NAA15: variants seen among roughly 807,000 people sequenced by gnomAD.
The protein encoded by NAA15 is N-terminal acetyltransferase.
NAA15 carries 34 observed loss-of-function variants against 114.0 expected under a neutral mutation model. The ratio of observed to expected loss-of-function variants is 0.30; its 90% CI spans 0.23 to 0.40. The LOEUF (loss-of-function observed/expected upper bound fraction) is 0.40, where lower values mean the gene tolerates loss of function less well. Among genes scored for constraint, NAA15 ranks in the 10% least tolerant of loss-of-function variants. The probability of loss-of-function intolerance (pLI) is 1.00; values close to 1 mark genes in which losing one functional copy is unlikely to be tolerated. For missense variants in NAA15, 658 were observed against 1,004.5 expected, an observed-to-expected ratio of 0.66 and a Z score of 4.66; for synonymous variants, 340 against 338.0, an observed-to-expected ratio of 1.01 and a Z score of -0.06.
intron 4 of NAA15, among the ~76,000 whole-genome samples, chr4:139,341,712 CA>C (rs763798097): frequency 9.7e-5 from 13 of 134,674 alleles, no homozygotes; most frequent in East Asian, 2.3e-4. Flanking sequence ...GAAAGCAAAA[CA>C]AAAAAAAAAT....
intron 1 of NAA15, among the ~76,000 whole-genome samples, chr4:139,308,606 T>G (rs1409952009): frequency 1.3e-5 from 2 of 152,216 alleles, no homozygotes; most frequent in African/African-American, 4.8e-5. Context: ...ATAAGTTTAT[T>G]TATTTTTTTG....
Position 139,390,022 on chromosome 4 carries a change from C to G in NAA15, c.*1938C>G, listed in dbSNP as rs1273477343. On this transcript the variant is annotated 3_prime_UTR_variant, in exon 20 of 20. Coordinates refer to ENST00000296543, the MANE Select transcript of NAA15 (RefSeq NM_057175.5). ...TTATTGTTGGGAAAGAACACTAGTC[C>G]TACCTCTGCCACTAATGAGGTGTTT... is the stretch of plus-strand genomic sequence containing the variant. The G allele has an allele frequency of 6.6e-6, 1 of 152,604 alleles. No individual in the cohort carries two copies. The highest frequency in any genetic ancestry group is 1.9e-4 in the East Asian group (1 of 5,196). The allele number at this position is 152,604 out of a possible 1,614,324, so 9.5% of individuals were successfully genotyped here. A position where few individuals can be genotyped will look rare whatever the true frequency, so the allele number is the denominator to read the frequency against.
At chr4:139,329,741 A>G (rs1010467034) in intron 1 of NAA15, among the ~76,000 whole-genome samples, 2 of 152,106 alleles carry the variant, frequency 1.3e-5, no homozygotes, top group African/African-American at 2.4e-5. Flanking sequence ...AAAACTTAGT[A>G]CTCAACAGTT....
At chr4:139,344,874 A>C (rs990821015) in intron 6 of NAA15, among the ~76,000 whole-genome samples, 2 of 152,194 alleles carry the variant, frequency 1.3e-5, no homozygotes, top group Non-Finnish European at 1.5e-5. Context: ...TTGGGTTCAT[A>C]ATATGTAGAT....
intron 15 of NAA15, among the ~76,000 whole-genome samples, chr4:139,373,343 A>G (rs1748496107): frequency 6.6e-6 from 1 of 152,218 alleles, no homozygotes; most frequent in East Asian, 1.9e-4. Context: ...ATTGTGATAC[A>G]TGGTAAGTAG....
In NAA15 at chr4:139,364,073, G is replaced by C. The variant is rs2110964482; in HGVS notation, c.1753+2136G>C. Among the ~76,000 whole-genome samples the C allele has an allele frequency of 2.0e-5, 3 of 152,250 alleles. 1 individual carries two copies. Among genetic ancestry groups the C allele is most frequent in the Middle Eastern group, 3.4e-3 (1 of 294 alleles). On this transcript the variant is annotated intron_variant, in intron 14 of 19. Transcript: ENST00000296543. ...TTTATTTTTGTAGAGACATGGTCTT[G>C]CCATGTTGCCCAGGCTTGTCTTGAG... is the stretch of plus-strand genomic sequence containing the variant.
intron 1 of NAA15, among the ~76,000 whole-genome samples, chr4:139,315,877 TTTA>T (rs1035912767): frequency 2.6e-5 from 4 of 151,786 alleles, no homozygotes; most frequent in African/African-American, 9.7e-5. Context: ...CTCTCTCTTT[TTTA>T]AAAAAAAAAA....
intron 1 of NAA15, among the ~76,000 whole-genome samples, chr4:139,316,017 A>G (rs1355998286): frequency 1.3e-5 from 2 of 151,166 alleles, no homozygotes; most frequent in East Asian, 2.0e-4. Flanking sequence ...TTGAAGTTAT[A>G]TTTACTTTGT....
chr4:139,320,785 T>C (rs1746573057), intron 1 of NAA15, among the ~76,000 whole-genome samples: 1 of 152,166 alleles, frequency 6.6e-6, no homozygotes, highest in African/African-American at 2.4e-5. Context: ...CCACCCAAAG[T>C]GTTGGGATTA....
chr4:139,334,432 A>G (rs1747129750), intron 2 of NAA15, among the ~76,000 whole-genome samples, 174 bp downstream of exon 2: 1 of 152,236 alleles, frequency 6.6e-6, no homozygotes, highest in African/African-American at 2.4e-5. Context: ...AGAAAATGAT[A>G]ACACATTTTA....
chr4:139,375,165 G>A (rs1290571622), intron 15 of NAA15, among the ~76,000 whole-genome samples: 2 of 152,192 alleles, frequency 1.3e-5, no homozygotes, highest in Non-Finnish European at 2.9e-5. Flanking sequence ...AGTAGAATAT[G>A]GAGTCATGGG....
rs762436273 is a variant in NAA15 at position 139,384,990 on chromosome 4, AT to A, written c.2302+16del. ...ACACAGATTATCAGGTAATCACTTT[AT>A]TTTATCCTTAGCCTTCTAAAACAAC... On this transcript the variant is annotated intron_variant, in intron 18 of 19. Coordinates refer to ENST00000296543, the MANE Select transcript of NAA15 (RefSeq NM_057175.5). 3.5e-5 allele frequency: 53 copies of A among 1,500,226 alleles called. No individual in the cohort carries two copies. The highest frequency in any genetic ancestry group is 1.8e-4 in the Middle Eastern group (1 of 5,638). 92.9% of individuals were successfully genotyped at this position (1,500,226 alleles called of 1,614,324 possible).
intron 1 of NAA15, among the ~76,000 whole-genome samples, chr4:139,329,355 T>C (rs745398427): frequency 6.6e-6 from 1 of 152,238 alleles, no homozygotes; most frequent in Non-Finnish European, 1.5e-5. Context: ...TGGATCATGT[T>C]TTCCTGCTCT....
intron 1 of NAA15, among the ~76,000 whole-genome samples, chr4:139,312,422 TGTA>T (rs1448776045): frequency 6.6e-6 from 1 of 151,982 alleles, no homozygotes; most frequent in Non-Finnish European, 1.5e-5. Context: ...GTATTAAAGT[TGTA>T]ACTTTAAGAA....
chr4:139,353,762 G>T (rs1747856074), intron 9 of NAA15, among the ~76,000 whole-genome samples: 1 of 152,160 alleles, frequency 6.6e-6, no homozygotes, highest in African/African-American at 2.4e-5. Flanking sequence ...AATATTGCCT[G>T]TCTTTGTCCA....
rs1236016303 is a variant in NAA15 at position 139,389,683 on chromosome 4, TTAAG to T, written c.*1603_*1606del. On this transcript the variant is annotated 3_prime_UTR_variant, in exon 20 of 20. Coordinates refer to ENST00000296543, the MANE Select transcript of NAA15 (RefSeq NM_057175.5). ...ATTTGCAAGATCTGAGCAAATAAGA[TTAAG>T]TAAAACAAATCAATTGTATATATAA... 1.3e-5 allele frequency: 2 copies of T among 152,620 alleles called. No individual in the cohort carries two copies. The highest frequency in any genetic ancestry group is 2.4e-5 in the African/African-American group (1 of 41,456). The allele number at this position is 152,620 out of a possible 1,614,324, so 9.5% of individuals were successfully genotyped here.
chr4:139,325,190 C>T (rs1746756648), intron 1 of NAA15, among the ~76,000 whole-genome samples: 1 of 152,110 alleles, frequency 6.6e-6, no homozygotes, highest in African/African-American at 2.4e-5. Flanking sequence ...GTTCACTTCT[C>T]ACTTTATTTT....
In NAA15 at chr4:139,357,390, T is replaced by G. The variant is rs935642862; in HGVS notation, c.1092T>G (p.Asp364Glu). 1 of 1,613,508 alleles carries G rather than the reference T, an allele frequency of 6.2e-7. No individual in the cohort carries two copies. Among genetic ancestry groups the G allele is most frequent in the Non-Finnish European group, 8.5e-7 (1 of 1,179,790 alleles). ...KSCRLFNPNDDGKEEPPTTLL... is the reference protein window; with the variant it reads ...KSCRLFNPNDEGKEEPPTTLL... Reference sequence around the variant, plus strand: ...TCTTCTCCCTCTTCTCCTAAGATGATGGAAAGGAGGAACCACCAACCACAT... The same window carrying G: ...TCTTCTCCCTCTTCTCCTAAGATGAGGGAAAGGAGGAACCACCAACCACAT... Residue 364 changes from aspartate to glutamate, a missense_variant, in exon 11 of 20, where the codon GAT (aspartate) becomes GAG (glutamate). This residue lies in a region of NAA15 where 281 missense variants were observed against 389.1 expected (regional missense o/e 0.72). Coordinates refer to ENST00000296543, the MANE Select transcript of NAA15 (RefSeq NM_057175.5).
intron 1 of NAA15, among the ~76,000 whole-genome samples, chr4:139,310,612 A>T (rs999479760): frequency 6.6e-5 from 10 of 151,502 alleles, no homozygotes; most frequent in Non-Finnish European, 1.2e-4. Context: ...TTTTAATTTT[A>T]AATTTATTTT....
Sources: gnomAD v4.1 joint callset for allele counts (sites outside exome capture counted in the v4.1 genomes callset) on GRCh38, gnomAD v4.1.1 for gene constraint, gnomAD v4.1.1 regional missense constraint, MANE v1.5 for transcripts, NCBI Gene and HGNC (gene_info 2026-07-23, HGNC 2026-07-21) for gene names.